EPHA6: variants seen among roughly 807,000 people sequenced by gnomAD.
EPHA6 encodes the protein EPH receptor A6, also known as ephrin type-A receptor 6.
EPHA6 carries 50 observed loss-of-function variants against 112.0 expected under a neutral mutation model. The ratio of observed to expected loss-of-function variants is 0.45; its 90% CI spans 0.36 to 0.56. The LOEUF (loss-of-function observed/expected upper bound fraction) is 0.56, where lower values mean the gene tolerates loss of function less well. EPHA6 is among the 20% of genes least tolerant of loss of function. The pLI, the probability that EPHA6 is intolerant of heterozygous loss-of-function variation, is 0.00. For missense variants in EPHA6, 1,280 were observed against 1,417.4 expected, an observed-to-expected ratio of 0.90 and a Z score of 1.56; for synonymous variants, 529 against 490.7, an observed-to-expected ratio of 1.08 and a Z score of -1.03.
At chr3:96,981,521 T>G (rs1187737049) in intron 2 of EPHA6, among the ~76,000 whole-genome samples, 3 of 152,128 alleles carry the variant, frequency 2.0e-5, no homozygotes, top group East Asian at 3.9e-4. Flanking sequence ...CTTTTTTTTT[T>G]GTTGTGTCTC....
chr3:97,541,727 G>GT (rs59024112), intron 11 of EPHA6, among the ~76,000 whole-genome samples: 11,270 of 131,760 alleles, frequency 0.086, 557 homozygotes, highest in Middle Eastern at 0.13. Flanking sequence ...TCTTTTTTTT[G>GT]TTTTTTTTTT....
chr3:96,994,535 AT>A (rs1346586179), intron 3 of EPHA6, among the ~76,000 whole-genome samples: 1 of 151,854 alleles, frequency 6.6e-6, no homozygotes, highest in Non-Finnish European at 1.5e-5. Flanking sequence ...ATTGAATGCA[AT>A]TTTTGTTTAG....
At chr3:96,864,660 T>TG (rs2107445366) in intron 1 of EPHA6, among the ~76,000 whole-genome samples, 1 of 152,138 alleles carries the variant, frequency 6.6e-6, no homozygotes, top group Non-Finnish European at 1.5e-5. Context: ...TTTACAAAAA[T>TG]GTACATTTAA....
At chr3:97,287,900 G>C (rs546485152) in intron 5 of EPHA6, among the ~76,000 whole-genome samples, 2 of 152,096 alleles carry the variant, frequency 1.3e-5, no homozygotes, top group East Asian at 3.9e-4. Context: ...TGATTTTGGT[G>C]TCAGGGTAGT....
At chr3:97,166,064 T>A (rs1211605239) in intron 3 of EPHA6, among the ~76,000 whole-genome samples, 1 of 152,148 alleles carries the variant, frequency 6.6e-6, no homozygotes, top group Non-Finnish European at 1.5e-5. Context: ...AATGGACCAC[T>A]ATGTTTTTTA....
At chr3:97,186,412 A>G (rs2077138165) in intron 3 of EPHA6, among the ~76,000 whole-genome samples, 1 of 152,074 alleles carries the variant, frequency 6.6e-6, no homozygotes, top group Non-Finnish European at 1.5e-5. Context: ...AATCTATTCC[A>G]TGTACCAGTA....
At chr3:97,528,646 T>C (rs2092656575) in intron 10 of EPHA6, among the ~76,000 whole-genome samples, 2 of 152,142 alleles carry the variant, frequency 1.3e-5, no homozygotes, top group African/African-American at 2.4e-5. Flanking sequence ...GAAGTAAACT[T>C]TGGAAAGCCT....
chr3:97,188,288 G>A (rs1260645343), intron 3 of EPHA6, among the ~76,000 whole-genome samples: 1 of 151,990 alleles, frequency 6.6e-6, no homozygotes, highest in Non-Finnish European at 1.5e-5. Flanking sequence ...CAAATAAACT[G>A]CATCTACATG....
chr3:97,542,443 C>T (rs1560117515), intron 11 of EPHA6, among the ~76,000 whole-genome samples: 1 of 152,116 alleles, frequency 6.6e-6, no homozygotes, highest in Non-Finnish European at 1.5e-5. Flanking sequence ...TTTATGGCTG[C>T]ATAGTATTCC....
chr3:97,179,933 A>G (rs1440780125), intron 3 of EPHA6, among the ~76,000 whole-genome samples: 1 of 152,044 alleles, frequency 6.6e-6, no homozygotes, highest in Non-Finnish European at 1.5e-5. Context: ...GAGCTTTATA[A>G]TCAGCAGGTG....
chr3:97,648,414 C>A, intron 14 of EPHA6: 2 of 1,505,604 alleles, frequency 1.3e-6, no homozygotes, highest in East Asian at 2.4e-5. Context: ...AATAATGAAG[C>A]AGCATGAGGG....
chr3:97,126,110 G>A (rs2048175767), intron 3 of EPHA6, among the ~76,000 whole-genome samples: 1 of 152,200 alleles, frequency 6.6e-6, no homozygotes, highest in South Asian at 2.1e-4. Context: ...ACTTTAGAAG[G>A]CATTTTTTTA....
intron 5 of EPHA6, among the ~76,000 whole-genome samples, chr3:97,280,319 A>G (rs566367852): frequency 6.6e-6 from 1 of 152,364 alleles, no homozygotes. Flanking sequence ...ATTAAATGCA[A>G]TTATATAAAT....
chr3:97,071,823 C>T (rs190065009), intron 3 of EPHA6, among the ~76,000 whole-genome samples: 2 of 151,998 alleles, frequency 1.3e-5, no homozygotes, highest in Admixed American at 1.3e-4. Context: ...CACCGATCAC[C>T]CGAGCTCTAT....
chr3:97,104,357 G>A (rs1026326032), intron 3 of EPHA6, among the ~76,000 whole-genome samples: 5 of 152,068 alleles, frequency 3.3e-5, no homozygotes, highest in Admixed American at 3.3e-4. Flanking sequence ...AACAAGAAGC[G>A]ATGTTTAATT....
At position 97,160,372 on chromosome 3, in the gene EPHA6, G is replaced by A. The variant is rs188637613; in HGVS notation, c.1115-65892G>A. Among the ~76,000 whole-genome samples, 100 of 152,168 alleles carry A rather than the reference G, an allele frequency of 6.6e-4. 2 individuals are homozygous for A. The East Asian group carries it at 0.018, about 28-fold the overall frequency. On this transcript the variant is annotated intron_variant, in intron 3 of 17. Transcript: ENST00000389672. Reference sequence around the variant, plus strand: ...GGTCACTACAATCTCCGCCTCCCGGGTTTAAGCGATTCTCCTGCCTCAGCC... The same window carrying A: ...GGTCACTACAATCTCCGCCTCCCGGATTTAAGCGATTCTCCTGCCTCAGCC...
chr3:96,968,795 T>G (rs1416815309), intron 2 of EPHA6, among the ~76,000 whole-genome samples: 1 of 151,910 alleles, frequency 6.6e-6, no homozygotes. Context: ...CTATTAAGCA[T>G]TGTTATTTAG....
intron 14 of EPHA6, among the ~76,000 whole-genome samples, chr3:97,644,483 A>G (rs1396148095): frequency 6.6e-6 from 1 of 151,906 alleles, no homozygotes; most frequent in Non-Finnish European, 1.5e-5. Flanking sequence ...CCCTTCAAAA[A>G]ATTAATGAAT....
At chr3:97,318,111 T>C (rs2081932571) in intron 5 of EPHA6, among the ~76,000 whole-genome samples, 1 of 151,906 alleles carries the variant, frequency 6.6e-6, no homozygotes, top group South Asian at 2.1e-4. Flanking sequence ...CATAAATCTA[T>C]AGAGGGATCA....
Sources: allele counts gnomAD v4.1 joint callset (sites outside exome capture counted in the v4.1 genomes callset), GRCh38; gene constraint gnomAD v4.1.1; transcripts MANE v1.5; gene names NCBI Gene and HGNC (gene_info 2026-07-23, HGNC 2026-07-21).